The following CAST variants were observed in gnomAD, a reference collection of about 807,000 sequenced individuals.
The protein encoded by CAST is MIR583 host.
CAST carries 76 observed loss-of-function variants against 119.6 expected under a neutral mutation model. The observed-to-expected ratio is 0.64, with a 90% CI of 0.53 to 0.77. CAST has a LOEUF of 0.77. CAST is among the 30% of genes least tolerant of loss of function. The probability of loss-of-function intolerance (pLI) is 0.00; values close to 1 mark genes in which losing one functional copy is unlikely to be tolerated. For synonymous variants in CAST, 319 were observed against 331.6 expected (o/e 0.96, Z 0.41); for missense variants, 953 against 946.5 (o/e 1.01, Z -0.09).
chr5:96,308,565 C>T, the CAST span, among the ~76,000 whole-genome samples: 9 of 152,004 alleles, frequency 5.9e-5, no homozygotes, highest in South Asian at 2.1e-4. Context: ...AGCCTTTTTG[C>T]GCTGGTTTCT....
the CAST span, chr5:95,970,075 A>G: frequency 2.0e-5 from 3 of 152,238 alleles, no homozygotes; most frequent in Non-Finnish European, 2.9e-5. Flanking sequence ...GTATATTTCC[A>G]AGATTTTCCT....
the CAST span, among the ~76,000 whole-genome samples, chr5:96,152,533 C>T: frequency 2.0e-5 from 3 of 152,152 alleles, no homozygotes; most frequent in Admixed American, 6.5e-5. Context: ...CTCTGTCCGG[C>T]TGGGAGACTG....
the CAST span, among the ~76,000 whole-genome samples, chr5:96,154,469 A>G: frequency 3.3e-5 from 5 of 152,164 alleles, no homozygotes; most frequent in Admixed American, 6.5e-5. Context: ...AGTTTTCCCT[A>G]TTGGTAACAT....
intron 16 of CAST, among the ~76,000 whole-genome samples, 182 bp downstream of exon 16, chr5:96,742,938 G>A (rs912329601): frequency 3.3e-5 from 5 of 152,210 alleles, no homozygotes; most frequent in Non-Finnish European, 7.3e-5. Flanking sequence ...TGACTGACTT[G>A]TGAAACAGCT....
the CAST span, among the ~76,000 whole-genome samples, chr5:96,130,552 T>C: frequency 6.6e-6 from 1 of 152,002 alleles, no homozygotes; most frequent in Non-Finnish European, 1.5e-5. Flanking sequence ...ACCATATTAA[T>C]ATGAGATGTT....
intron 20 of CAST, among the ~76,000 whole-genome samples, chr5:96,752,643 G>A (rs1765365654): frequency 7.9e-6 from 1 of 127,306 alleles, no homozygotes; most frequent in African/African-American, 3.0e-5. Context: ...ACTAGGTGGT[G>A]CTAAATCACT....
the CAST span, among the ~76,000 whole-genome samples, chr5:96,383,337 C>T: frequency 6.6e-6 from 1 of 152,190 alleles, no homozygotes. Context: ...TGCTAGTGTG[C>T]TAATGTGCTA....
At chr5:96,334,752 A>G in the CAST span, among the ~76,000 whole-genome samples, 3 of 152,188 alleles carry the variant, frequency 2.0e-5, no homozygotes, top group Non-Finnish European at 4.4e-5. Flanking sequence ...CTCGTTTTTC[A>G]CCTAGAAGCA....
At chr5:96,459,358 A>C in the CAST span, among the ~76,000 whole-genome samples, 1 of 150,328 alleles carries the variant, frequency 6.7e-6, no homozygotes, top group Non-Finnish European at 1.5e-5. Flanking sequence ...TCTCAAACTC[A>C]GGAGCATTTT....
At chr5:96,100,830 T>C in the CAST span, among the ~76,000 whole-genome samples, 7 of 152,170 alleles carry the variant, frequency 4.6e-5, no homozygotes, top group Non-Finnish European at 1.0e-4. Flanking sequence ...TACATACTTA[T>C]TAATCTCTAA....
intron 1 of CAST, among the ~76,000 whole-genome samples, chr5:96,530,455 A>C (rs1210311057): frequency 6.6e-6 from 1 of 152,218 alleles, no homozygotes; most frequent in African/African-American, 2.4e-5. Context: ...ATTGAAGTGG[A>C]AATGTCAAGT....
the CAST span, among the ~76,000 whole-genome samples, chr5:96,161,927 C>T: frequency 6.6e-6 from 1 of 152,110 alleles, no homozygotes; most frequent in East Asian, 1.9e-4. Flanking sequence ...TCATTGCTAG[C>T]AGATAGAAAT....
At chr5:96,658,063 C>T (rs1748187914), upstream of CAST, among the ~76,000 whole-genome samples, 1 of 152,000 alleles carries the variant, frequency 6.6e-6, no homozygotes, top group Non-Finnish European at 1.5e-5. Flanking sequence ...CATGCCACTG[C>T]ACTCCAGCCT....
the CAST span, among the ~76,000 whole-genome samples, chr5:96,505,726 C>T: frequency 1.3e-5 from 2 of 152,160 alleles, no homozygotes; most frequent in Non-Finnish European, 2.9e-5. Flanking sequence ...TGAGGCTGCT[C>T]CTGAAGAGGT....
the CAST span, among the ~76,000 whole-genome samples, chr5:96,378,237 T>G: frequency 6.6e-6 from 1 of 152,142 alleles, no homozygotes; most frequent in African/African-American, 2.4e-5. Context: ...GAATAAATTC[T>G]GGAGCTCTAA....
the CAST span, among the ~76,000 whole-genome samples, chr5:96,066,011 C>G: frequency 2.0e-5 from 3 of 152,128 alleles, no homozygotes; most frequent in African/African-American, 7.2e-5. Flanking sequence ...AGGAAGAGAA[C>G]AGACTAGAAC....
the CAST span, chr5:95,961,651 T>G: frequency 6.2e-7 from 1 of 1,610,574 alleles, no homozygotes; most frequent in South Asian, 1.1e-5. Flanking sequence ...GATGTTGTCC[T>G]GCCCCAGCCG....
the CAST span, among the ~76,000 whole-genome samples, chr5:96,420,307 C>G: frequency 6.6e-6 from 1 of 152,054 alleles, no homozygotes; most frequent in African/African-American, 2.4e-5. Context: ...AAGGCTGTGC[C>G]CCAAAAGAGT....
chr5:96,624,433 G>A (rs1264256634), intron 1 of CAST, among the ~76,000 whole-genome samples: 1 of 152,226 alleles, frequency 6.6e-6, no homozygotes, highest in African/African-American at 2.4e-5. Flanking sequence ...ATATATGCAT[G>A]TAATGATCTG....
Sources: allele counts gnomAD v4.1 joint callset (sites outside exome capture counted in the v4.1 genomes callset), GRCh38; gene constraint gnomAD v4.1.1; transcripts MANE v1.5; gene names NCBI Gene and HGNC (gene_info 2026-07-23, HGNC 2026-07-21).